The following NIM1K variants were observed in gnomAD, a reference collection of about 807,000 sequenced individuals.
The protein encoded by NIM1K is serine/threonine-protein kinase NIM1.
In NIM1K, 35 loss-of-function variants were observed where a neutral mutation model predicts 37.1. That is an observed-to-expected ratio of 0.94 (90% CI 0.72 to 1.25). NIM1K has a LOEUF of 1.25. NIM1K is among the 50% of genes most tolerant of loss of function. NIM1K has a pLI of 0.00. For synonymous variants in NIM1K, 234 were observed against 206.6 expected, an observed-to-expected ratio of 1.13 and a Z score of -1.14; for missense variants, 564 against 548.0, an observed-to-expected ratio of 1.03 and a Z score of -0.29.
chr5:43,233,005 C>T (rs1752564658), intron 1 of NIM1K: 3 of 1,190,884 alleles, frequency 2.5e-6, no homozygotes, highest in Non-Finnish European at 1.3e-6. Flanking sequence ...CTTGCCGGAG[C>T]CCGTCTCACT....
At chr5:43,201,033 G>A (rs1372689297) in intron 1 of NIM1K, among the ~76,000 whole-genome samples, 2 of 151,232 alleles carry the variant, frequency 1.3e-5, no homozygotes, top group Non-Finnish European at 3.0e-5. Flanking sequence ...GCCAAGGGAG[G>A]AGAATTGCTT....
intron 1 of NIM1K, chr5:43,207,626 A>C: frequency 1.6e-6 from 1 of 629,478 alleles, no homozygotes. Context: ...GAAATACTTT[A>C]CACAGGGGAA....
intron 1 of NIM1K, chr5:43,206,846 T>C (rs1752120693): frequency 1.3e-6 from 1 of 767,768 alleles, no homozygotes; most frequent in South Asian, 1.3e-5. Flanking sequence ...ACCATGGCTA[T>C]TTAGCAACAT....
chr5:43,232,517 G>A (rs1200817826), intron 1 of NIM1K: 1 of 1,562,538 alleles, frequency 6.4e-7, no homozygotes, highest in African/African-American at 1.4e-5. Flanking sequence ...TGGGCGTTCA[G>A]TATCAAGGTT....
chr5:43,215,093 C>G (rs1439104002), intron 1 of NIM1K, among the ~76,000 whole-genome samples: 3 of 152,140 alleles, frequency 2.0e-5, no homozygotes, highest in Non-Finnish European at 4.4e-5. Context: ...ATGAGCTGCC[C>G]TGTGAGATGA....
intron 2 of NIM1K, among the ~76,000 whole-genome samples, chr5:43,258,102 T>G (rs1347448936): frequency 1.3e-5 from 2 of 152,160 alleles, no homozygotes; most frequent in African/African-American, 4.8e-5. Flanking sequence ...CATCCTCCAT[T>G]CTATTCTCTA....
At chr5:43,269,343 TC>T (rs1753220097) in intron 2 of NIM1K, among the ~76,000 whole-genome samples, 1 of 144,024 alleles carries the variant, frequency 6.9e-6, no homozygotes, top group South Asian at 2.3e-4. Context: ...GAATAGCTAC[TC>T]CTGCTAGCCT....
intron 1 of NIM1K, among the ~76,000 whole-genome samples, chr5:43,244,169 G>C (rs1752744669): frequency 6.6e-6 from 1 of 152,162 alleles, no homozygotes; most frequent in Admixed American, 6.5e-5. Flanking sequence ...GAGCAGAGTT[G>C]GAAATCCATA....
intron 2 of NIM1K, among the ~76,000 whole-genome samples, chr5:43,265,785 G>A (rs1217622606): frequency 6.6e-6 from 1 of 152,180 alleles, no homozygotes; most frequent in Non-Finnish European, 1.5e-5. Context: ...TGATGATGGT[G>A]ACCTACAGAT....
intron 1 of NIM1K, among the ~76,000 whole-genome samples, chr5:43,223,351 C>G (rs748481515): frequency 5.9e-5 from 9 of 152,090 alleles, no homozygotes; most frequent in Non-Finnish European, 1.3e-4. Flanking sequence ...TTCTAAAATT[C>G]TTGTAAGGAT....
At chr5:43,208,487 C>T (rs187144264) in intron 1 of NIM1K, among the ~76,000 whole-genome samples, 1 of 152,002 alleles carries the variant, frequency 6.6e-6, no homozygotes, top group East Asian at 1.9e-4. Flanking sequence ...CCTGTAGTCC[C>T]AGCTACTCGG....
intron 2 of NIM1K, among the ~76,000 whole-genome samples, chr5:43,271,720 G>A (rs547730351): frequency 4.5e-4 from 69 of 152,126 alleles, no homozygotes; most frequent in Non-Finnish European, 8.4e-4. Context: ...TCTATGGAAT[G>A]TTATCACATA....
chr5:43,225,424 A>T (rs999177277), intron 1 of NIM1K: 1 of 152,190 alleles, frequency 6.6e-6, no homozygotes, highest in Non-Finnish European at 1.5e-5. Context: ...AATTTTAATT[A>T]AGTTACTCGT....
chr5:43,251,416 A>T (rs1219976060), intron 2 of NIM1K, among the ~76,000 whole-genome samples: 1 of 152,144 alleles, frequency 6.6e-6, no homozygotes, highest in East Asian at 1.9e-4. Context: ...CAACCTCATG[A>T]GTCTTAAAGG....
intron 2 of NIM1K, among the ~76,000 whole-genome samples, chr5:43,250,690 G>A (rs1001170852): frequency 6.6e-6 from 1 of 152,244 alleles, no homozygotes; most frequent in East Asian, 1.9e-4. Context: ...CAGAAGATGT[G>A]ATTTGGAAGG....
chr5:43,268,906 T>A (rs1246950497), intron 2 of NIM1K, among the ~76,000 whole-genome samples: 1 of 152,184 alleles, frequency 6.6e-6, no homozygotes, highest in Admixed American at 6.5e-5. Flanking sequence ...ACTGCCATAA[T>A]TGTCTCAGTG....
At chr5:43,212,138 C>A (rs972909368) in intron 1 of NIM1K, among the ~76,000 whole-genome samples, 3 of 152,062 alleles carry the variant, frequency 2.0e-5, no homozygotes, top group African/African-American at 7.2e-5. Context: ...TGCATCTCTA[C>A]CTACTGTGGG....
chr5:43,215,565 C>A (rs1345935595), intron 1 of NIM1K, among the ~76,000 whole-genome samples: 2 of 152,204 alleles, frequency 1.3e-5, no homozygotes, highest in East Asian at 3.9e-4. Flanking sequence ...TCCTGAGTAG[C>A]TGGAATCATA....
intron 2 of NIM1K, among the ~76,000 whole-genome samples, chr5:43,266,411 C>T (rs1322483800): frequency 6.6e-6 from 1 of 152,162 alleles, no homozygotes; most frequent in Non-Finnish European, 1.5e-5. Flanking sequence ...GGCGTGGGAC[C>T]CTCTGAGCCA....
Sources: allele counts gnomAD v4.1 joint callset (sites outside exome capture counted in the v4.1 genomes callset), GRCh38; gene constraint gnomAD v4.1.1; transcripts MANE v1.5; gene names NCBI Gene and HGNC (gene_info 2026-07-23, HGNC 2026-07-21).